The following SEMA4D variants were observed in gnomAD, a reference collection of about 807,000 sequenced individuals.
SEMA4D encodes semaphorin-4D.
SEMA4D carries 22 observed loss-of-function variants against 74.8 expected under a neutral mutation model. The ratio of observed to expected loss-of-function variants is 0.29; its 90% CI spans 0.21 to 0.42. The LOEUF (loss-of-function observed/expected upper bound fraction) is 0.42, where lower values mean the gene tolerates loss of function less well. SEMA4D is among the 10% of genes least tolerant of loss of function. The probability of loss-of-function intolerance (pLI) is 1.00; values close to 1 mark genes in which losing one functional copy is unlikely to be tolerated. For missense variants in SEMA4D, 937 were observed against 1,118.4 expected (o/e 0.84, Z 2.31); for synonymous variants, 445 against 463.7 (o/e 0.96, Z 0.52).
chr9:89,474,739 A>G (rs1324959599), intron 1 of SEMA4D, among the ~76,000 whole-genome samples: 1 of 152,168 alleles, frequency 6.6e-6, no homozygotes, highest in Non-Finnish European at 1.5e-5. Context: ...ATGTCCCTCA[A>G]AGAAGAGAAA....
At chr9:89,424,374 C>T (rs768475838) in intron 2 of SEMA4D, among the ~76,000 whole-genome samples, 2 of 152,298 alleles carry the variant, frequency 1.3e-5, no homozygotes, top group East Asian at 1.9e-4. Context: ...CCTAGATCAA[C>T]GTCAATCTCC....
chr9:89,370,624 T>TG (rs993491852), intron 16 of SEMA4D, among the ~76,000 whole-genome samples: 64 of 146,456 alleles, frequency 4.4e-4, no homozygotes, highest in African/African-American at 1.4e-3. Context: ...GGGATGTGTG[T>TG]GGGGGGGTAC....
chr9:89,385,473 G>T, intron 13 of SEMA4D: 1 of 985,364 alleles, frequency 1.0e-6, no homozygotes, highest in Non-Finnish European at 1.2e-6. Flanking sequence ...AATCTCCAGG[G>T]CTCCCTTTGT....
exon 17 of SEMA4D, chr9:89,363,916 ATTC>A (rs776787101): frequency 2.2e-5 from 35 of 1,613,980 alleles, no homozygotes; most frequent in African/African-American, 4.0e-5. Flanking sequence ...GAGCTCGCCC[ATTC>A]TTCTCCCAGA....
intron 2 of SEMA4D, among the ~76,000 whole-genome samples, chr9:89,409,057 CA>C (rs1843939991): frequency 6.6e-6 from 1 of 152,152 alleles, no homozygotes; most frequent in Admixed American, 6.5e-5. Flanking sequence ...AGTGGGTATA[CA>C]AACCGCTACA....
intron 7 of SEMA4D, 147 bp from the exon 8 acceptor site, chr9:89,392,683 T>C: frequency 3.2e-6 from 2 of 621,790 alleles, no homozygotes; most frequent in Non-Finnish European, 5.8e-6. Flanking sequence ...CTCCTCAACT[T>C]TTGGGGTGTC....
At chr9:89,452,181 TG>T (rs1400592896) in intron 2 of SEMA4D, among the ~76,000 whole-genome samples, 11 of 68,674 alleles carry the variant, frequency 1.6e-4, no homozygotes, top group African/African-American at 7.6e-4. Context: ...TGGTTTTTTT[TG>T]TTTTTTTTTT....
chr9:89,477,861 T>C (rs1177303539), intron 1 of SEMA4D, among the ~76,000 whole-genome samples: 2 of 152,228 alleles, frequency 1.3e-5, no homozygotes, highest in African/African-American at 2.4e-5. Context: ...CAAGTATTCT[T>C]GTAGAAACAC....
intron 1 of SEMA4D, among the ~76,000 whole-genome samples, chr9:89,456,733 C>T (rs1856023069): frequency 6.6e-6 from 1 of 152,146 alleles, no homozygotes; most frequent in Non-Finnish European, 1.5e-5. Flanking sequence ...CTTAAAGGCA[C>T]ATGCCACCAC....
intron 2 of SEMA4D, among the ~76,000 whole-genome samples, chr9:89,430,212 T>A (rs754420940): frequency 1.3e-5 from 2 of 151,610 alleles, no homozygotes; most frequent in Non-Finnish European, 1.5e-5. Flanking sequence ...TAGGAGGAAG[T>A]TTTCAGCAAT....
intron 11 of SEMA4D, among the ~76,000 whole-genome samples, chr9:89,388,115 C>T (rs1029675029): frequency 1.3e-5 from 2 of 152,134 alleles, no homozygotes; most frequent in African/African-American, 4.8e-5. Flanking sequence ...GGACAGCTGC[C>T]CTTGGGAGGG....
chr9:89,472,475 C>CA lies in SEMA4D; in HGVS notation c.-309-16523_-309-16522insT, dbSNP rs1057376771. On this transcript the variant is annotated intron_variant, in intron 1 of 15. Transcript: ENST00000422704. ...GGACCTAAACACTGAGAAGCACCCC[C>CA]CTTTTGTAAGATTTGTGACAAAAAT... The CA allele has an allele frequency of 6.5e-5, 17 of 262,832 alleles. 1 individual carries two copies. Among genetic ancestry groups the CA allele is most frequent in the East Asian group, 1.0e-4 (1 of 9,682 alleles). 16.3% of individuals were successfully genotyped at this position (262,832 alleles called of 1,614,324 possible). A position where few individuals can be genotyped will look rare whatever the true frequency, so the allele number is the denominator to read the frequency against.
intron 17 of SEMA4D, chr9:89,363,547 C>A: frequency 6.2e-7 from 1 of 1,613,658 alleles, no homozygotes; most frequent in Non-Finnish European, 8.5e-7. Context: ...AAGCAGGGTC[C>A]CCAGGTCAAA....
chr9:89,437,228 C>T (rs190182339), intron 2 of SEMA4D, among the ~76,000 whole-genome samples: 360 of 152,324 alleles, frequency 2.4e-3, no homozygotes, highest in Non-Finnish European at 4.0e-3. Context: ...TCCTAGTGGG[C>T]ATTGCACAGT....
At chr9:89,399,882 C>T (rs1841789154) in intron 4 of SEMA4D, among the ~76,000 whole-genome samples, 2 of 151,790 alleles carry the variant, frequency 1.3e-5, no homozygotes, top group African/African-American at 2.4e-5. Context: ...CCTGTAATCC[C>T]AGCTACTCGA....
intron 16 of SEMA4D, chr9:89,367,111 A>G (rs893159680): frequency 7.2e-5 from 11 of 152,640 alleles, no homozygotes; most frequent in African/African-American, 2.4e-4. Flanking sequence ...AAGATGTTAA[A>G]GAAGTACTTA....
intron 1 of SEMA4D, among the ~76,000 whole-genome samples, chr9:89,481,813 T>C (rs1824725211): frequency 6.6e-6 from 1 of 152,256 alleles, no homozygotes; most frequent in Non-Finnish European, 1.5e-5. Context: ...CAGGGCCCTG[T>C]GCTCTGCTCC....
At chr9:89,461,463 G>C (rs1353792242) in intron 1 of SEMA4D, among the ~76,000 whole-genome samples, 1 of 152,182 alleles carries the variant, frequency 6.6e-6, no homozygotes, top group African/African-American at 2.4e-5. Flanking sequence ...CACATGGATG[G>C]CTATGAGCAA....
At chr9:89,454,007 G>A (rs1004228392) in intron 2 of SEMA4D, among the ~76,000 whole-genome samples, 10 of 152,128 alleles carry the variant, frequency 6.6e-5, no homozygotes, top group Middle Eastern at 3.4e-3. Context: ...ACAGGCGCCC[G>A]CCACCACGCC....
Sources: allele counts gnomAD v4.1 joint callset (sites outside exome capture counted in the v4.1 genomes callset), GRCh38; gene constraint gnomAD v4.1.1; transcripts MANE v1.5; gene names NCBI Gene and HGNC (gene_info 2026-07-23, HGNC 2026-07-21).